Variants in WDR7 observed in about 807,000 individuals in gnomAD.
WDR7 encodes WD repeat-containing protein 7.
Under a neutral mutation model 169.4 loss-of-function variants are expected in WDR7, and 46 were observed. The ratio of observed to expected loss-of-function variants is 0.27; its 90% CI spans 0.21 to 0.35. WDR7 has a LOEUF of 0.35. Among genes scored for constraint, WDR7 ranks in the 10% least tolerant of loss-of-function variants. WDR7 has a pLI of 1.00. For missense variants in WDR7, 1,534 were observed against 1,859.3 expected (o/e 0.83, Z 3.22); for synonymous variants, 612 against 666.8 (o/e 0.92, Z 1.27).
intron 26 of WDR7, among the ~76,000 whole-genome samples, chr18:56,970,662 T>G (rs1014747610): frequency 4.3e-4 from 65 of 152,310 alleles, no homozygotes; most frequent in Non-Finnish European, 2.9e-5. Context: ...ACTGATGAAC[T>G]TATACTGACA....
At chr18:56,961,014 A>G (rs1474494859) in intron 25 of WDR7, among the ~76,000 whole-genome samples, 2 of 152,062 alleles carry the variant, frequency 1.3e-5, no homozygotes, top group African/African-American at 2.4e-5. Context: ...ACCTTCCACT[A>G]AAGGGGAGGA....
intron 20 of WDR7, among the ~76,000 whole-genome samples, chr18:56,821,911 A>G (rs1034016361): frequency 6.6e-6 from 1 of 152,068 alleles, no homozygotes; most frequent in East Asian, 1.9e-4. Context: ...AGCTGGGAGG[A>G]TCACTTGAGC....
intron 26 of WDR7, among the ~76,000 whole-genome samples, chr18:57,003,105 G>T (rs1053317872): frequency 6.6e-6 from 1 of 152,116 alleles, no homozygotes; most frequent in Non-Finnish European, 1.5e-5. Flanking sequence ...AATCAAAGAA[G>T]ATGTAAATTT....
intron 20 of WDR7, among the ~76,000 whole-genome samples, chr18:56,841,884 A>G (rs556034578): frequency 6.6e-6 from 1 of 152,182 alleles, no homozygotes; most frequent in Non-Finnish European, 1.5e-5. Context: ...AGATGGAAGG[A>G]TAATATAACT....
At chr18:56,784,667 G>A (rs1158575713) in intron 19 of WDR7, among the ~76,000 whole-genome samples, 2 of 152,120 alleles carry the variant, frequency 1.3e-5, no homozygotes, top group South Asian at 2.1e-4. Flanking sequence ...TACAGTTAAC[G>A]ACAACAAAAT....
At chr18:56,739,835 C>T (rs1377030294) in intron 14 of WDR7, among the ~76,000 whole-genome samples, 1 of 149,590 alleles carries the variant, frequency 6.7e-6, no homozygotes, top group East Asian at 1.9e-4. Flanking sequence ...TCTATTTTTC[C>T]CTTGTTTTTT....
intron 14 of WDR7, among the ~76,000 whole-genome samples, chr18:56,732,320 A>G (rs2026604207): frequency 1.3e-5 from 2 of 152,232 alleles, no homozygotes; most frequent in Admixed American, 1.3e-4. Context: ...TCAAACCTAG[A>G]GACAATCTCA....
chr18:56,683,531 A>G (rs1395943291), intron 5 of WDR7, among the ~76,000 whole-genome samples: 1 of 152,088 alleles, frequency 6.6e-6, no homozygotes, highest in Non-Finnish European at 1.5e-5. Flanking sequence ...AACCACCACC[A>G]CTACCACCGG....
Position 56,962,449 on chromosome 18 carries a change from T to C in WDR7, c.4084T>C (p.Tyr1362His), listed in dbSNP as rs2047350872. 6.2e-7 allele frequency: 1 copy of C among 1,612,962 alleles called. No homozygotes were observed. Among genetic ancestry groups the C allele is most frequent in the African/African-American group, 1.3e-5 (1 of 74,870 alleles). ...ACTCAGGTTCTACATGGTCAGCTAT[T>C]ATGAGCGGAATCACAGAATAGCAGT... ...AICRFYMVSYYERNHRIAVGA... is the reference protein window; with the variant it reads ...AICRFYMVSYHERNHRIAVGA... Residue 1362 changes from tyrosine to histidine, a missense_variant, in exon 26 of 28, where the codon TAT (tyrosine) becomes CAT (histidine). Coordinates refer to ENST00000254442, the MANE Select transcript of WDR7 (RefSeq NM_015285.3).
At chr18:57,019,387 T>C (rs1434709030) in intron 26 of WDR7, among the ~76,000 whole-genome samples, 2 of 152,240 alleles carry the variant, frequency 1.3e-5, no homozygotes, top group South Asian at 2.1e-4. Context: ...TACTCTGCAA[T>C]GTTAAGTTTC....
chr18:56,878,340 C>T (rs2046056873), intron 20 of WDR7, among the ~76,000 whole-genome samples: 1 of 152,116 alleles, frequency 6.6e-6, no homozygotes, highest in Admixed American at 6.5e-5. Flanking sequence ...CCTTCTCCTC[C>T]TCGTATGGCC....
chr18:56,951,060 G>C (rs2047174000), intron 25 of WDR7, among the ~76,000 whole-genome samples: 1 of 152,124 alleles, frequency 6.6e-6, no homozygotes, highest in Non-Finnish European at 1.5e-5. Context: ...CTGCCTAGAA[G>C]GCACCTCCTC....
intron 19 of WDR7, among the ~76,000 whole-genome samples, chr18:56,794,872 G>A (rs1044170976): frequency 2.6e-5 from 4 of 151,846 alleles, no homozygotes; most frequent in Admixed American, 1.3e-4. Flanking sequence ...TTCTCCTCCC[G>A]TTCTTTATGA....
chr18:56,822,808 G>GT (rs1311778944), intron 20 of WDR7, among the ~76,000 whole-genome samples: 2 of 152,072 alleles, frequency 1.3e-5, no homozygotes, highest in South Asian at 4.2e-4. Flanking sequence ...TATGGTTTTT[G>GT]TTTTTTAACT....
At chr18:56,954,250 T>C (rs376073085) in intron 25 of WDR7, among the ~76,000 whole-genome samples, 46 of 152,216 alleles carry the variant, frequency 3.0e-4, no homozygotes, top group African/African-American at 1.0e-3. Context: ...TGTCGGAAGT[T>C]ATGTTGGTAT....
At chr18:56,728,961 A>G (rs2026522274) in intron 13 of WDR7, among the ~76,000 whole-genome samples, 2 of 152,004 alleles carry the variant, frequency 1.3e-5, no homozygotes, top group African/African-American at 4.8e-5. Context: ...ATGGGCTCCT[A>G]CCTTTGCTCA....
At chr18:56,713,712 G>A (rs1438504822) in intron 12 of WDR7, among the ~76,000 whole-genome samples, 2 of 152,094 alleles carry the variant, frequency 1.3e-5, no homozygotes, top group African/African-American at 4.8e-5. Flanking sequence ...TCAAATTATA[G>A]AATGAGTCAT....
intron 1 of WDR7, among the ~76,000 whole-genome samples, chr18:56,666,589 T>C (rs1412253152): frequency 6.6e-6 from 1 of 152,218 alleles, no homozygotes; most frequent in Non-Finnish European, 1.5e-5. Context: ...TGATTTTATC[T>C]GTAAACACTG....
At chr18:56,806,197 C>G (rs2044770693) in intron 19 of WDR7, among the ~76,000 whole-genome samples, 1 of 151,982 alleles carries the variant, frequency 6.6e-6, no homozygotes, top group Non-Finnish European at 1.5e-5. Flanking sequence ...GTGTAAAGTC[C>G]TTGTGTTTCC....
Sources: allele counts gnomAD v4.1 joint callset (sites outside exome capture counted in the v4.1 genomes callset), GRCh38; gene constraint gnomAD v4.1.1; transcripts MANE v1.5; gene names NCBI Gene and HGNC (gene_info 2026-07-23, HGNC 2026-07-21).